The following ABCA13 variants were observed in gnomAD, a reference collection of about 807,000 sequenced individuals.
The protein encoded by ABCA13 is ATP binding cassette subfamily A member 13.
In ABCA13, 476 loss-of-function variants were observed where a neutral mutation model predicts 478.7. The observed-to-expected ratio is 0.99, with a 90% CI of 0.92 to 1.07. The LOEUF (loss-of-function observed/expected upper bound fraction) is 1.07, where lower values mean the gene tolerates loss of function less well. Among genes scored for constraint, ABCA13 ranks in the 50% least tolerant of loss-of-function variants. The pLI, the probability that ABCA13 is intolerant of heterozygous loss-of-function variation, is 0.00. For missense variants in ABCA13, 6,060 were observed against 5,910.6 expected (o/e 1.03, Z -0.83); for synonymous variants, 2,252 against 2,158.9 (o/e 1.04, Z -1.20).
intron 55 of ABCA13, among the ~76,000 whole-genome samples, chr7:48,540,048 A>G (rs190888556): frequency 6.6e-6 from 1 of 152,156 alleles, no homozygotes; most frequent in Non-Finnish European, 1.5e-5. Context: ...GGTATGTGTA[A>G]AGAGAGTTGT....
chr7:48,219,831 C>T (rs1163474584), intron 4 of ABCA13, among the ~76,000 whole-genome samples: 3 of 149,686 alleles, frequency 2.0e-5, no homozygotes, highest in African/African-American at 7.4e-5. Context: ...CTGTTGTCTT[C>T]CTTTCTTGCT....
chr7:48,332,353 A>G (rs1388264704), intron 27 of ABCA13, among the ~76,000 whole-genome samples: 1 of 152,226 alleles, frequency 6.6e-6, no homozygotes, highest in Non-Finnish European at 1.5e-5. Flanking sequence ...CTGGCTCTAG[A>G]TATTACAATA....
chr7:48,596,161 G>A (rs1790259929), intron 58 of ABCA13, among the ~76,000 whole-genome samples: 1 of 152,224 alleles, frequency 6.6e-6, no homozygotes, highest in African/African-American at 2.4e-5. Flanking sequence ...CAAAGCCAAT[G>A]TATTGTGAAG....
chr7:48,478,194 T>A (rs3902911), intron 45 of ABCA13, among the ~76,000 whole-genome samples: 1 of 148,100 alleles, frequency 6.8e-6, no homozygotes, highest in Admixed American at 6.8e-5. Flanking sequence ...ATATAATACA[T>A]AAAATGATAT....
intron 39 of ABCA13, 59 bp downstream of exon 39, chr7:48,403,938 A>C (rs548272237): frequency 1.3e-6 from 2 of 1,540,716 alleles, no homozygotes; most frequent in Non-Finnish European, 1.8e-6. Context: ...CAGGAAATGC[A>C]TTGCTACTGT....
intron 59 of ABCA13, among the ~76,000 whole-genome samples, chr7:48,620,495 A>G (rs1318302980): frequency 6.6e-6 from 1 of 152,124 alleles, no homozygotes; most frequent in Non-Finnish European, 1.5e-5. Context: ...TAAGATGTTT[A>G]GCACCATCCC....
chr7:48,254,662 G>A (rs1285936594), intron 15 of ABCA13, among the ~76,000 whole-genome samples: 1 of 152,060 alleles, frequency 6.6e-6, no homozygotes, highest in Non-Finnish European at 1.5e-5. Flanking sequence ...TGAGAGTGGA[G>A]GCATATCGCT....
At chr7:48,347,618 G>A (rs527456672) in intron 29 of ABCA13, among the ~76,000 whole-genome samples, 1 of 152,336 alleles carries the variant, frequency 6.6e-6, no homozygotes, top group African/African-American at 2.4e-5. Context: ...AGCCCTCTGT[G>A]TTCCCACAGC....
At chr7:48,640,914 C>G (rs1562585382) in intron 59 of ABCA13, among the ~76,000 whole-genome samples, 1 of 152,148 alleles carries the variant, frequency 6.6e-6, no homozygotes, top group Admixed American at 6.5e-5. Flanking sequence ...TATCTCCTAT[C>G]TGTTTCAGGC....
At chr7:48,457,141 A>G (rs1384377843) in intron 43 of ABCA13, among the ~76,000 whole-genome samples, 1 of 152,108 alleles carries the variant, frequency 6.6e-6, no homozygotes, top group African/African-American at 2.4e-5. Flanking sequence ...CTAAACTCTA[A>G]AAGTTTTGAT....
chr7:48,251,629 T>A (rs1340730051), intron 15 of ABCA13, among the ~76,000 whole-genome samples: 1 of 152,120 alleles, frequency 6.6e-6, no homozygotes, highest in Admixed American at 6.6e-5. Context: ...CTAGTCTTAT[T>A]AAGAAACGGA....
At chr7:48,566,121 A>G (rs1254183714) in intron 55 of ABCA13, among the ~76,000 whole-genome samples, 1 of 152,190 alleles carries the variant, frequency 6.6e-6, no homozygotes, top group Non-Finnish European at 1.5e-5. Flanking sequence ...CGGTTTACAG[A>G]CTGCTGATAA....
At chr7:48,251,637 G>A (rs116662377) in intron 15 of ABCA13, among the ~76,000 whole-genome samples, 4,528 of 151,210 alleles carry the variant, frequency 0.03, 222 homozygotes, top group African/African-American at 0.1. Context: ...ATTAAGAAAC[G>A]GAATTTAAAA....
At chr7:48,388,476 G>C (rs1815526805) in intron 36 of ABCA13, among the ~76,000 whole-genome samples, 1 of 152,168 alleles carries the variant, frequency 6.6e-6, no homozygotes. Flanking sequence ...CAGAGTCATG[G>C]CCTGTTCCTG....
chr7:48,262,331 A>G (rs1794304409), intron 15 of ABCA13, among the ~76,000 whole-genome samples: 1 of 151,832 alleles, frequency 6.6e-6, no homozygotes, highest in South Asian at 2.1e-4. Context: ...GTTAGAATTC[A>G]TTCTTGCTCA....
intron 58 of ABCA13, among the ~76,000 whole-genome samples, chr7:48,602,752 C>G (rs984101540): frequency 6.6e-6 from 1 of 151,062 alleles, no homozygotes; most frequent in African/African-American, 2.4e-5. Flanking sequence ...TTTTTTTTTC[C>G]AATTCTGTGA....
At chr7:48,564,632 G>A (rs1438100290) in intron 55 of ABCA13, among the ~76,000 whole-genome samples, 1 of 151,484 alleles carries the variant, frequency 6.6e-6, no homozygotes, top group Non-Finnish European at 1.5e-5. Flanking sequence ...TCAATATCTT[G>A]TAAATAGTAA....
chr7:48,537,788 A>G (rs1389586843), intron 55 of ABCA13, among the ~76,000 whole-genome samples: 3 of 152,104 alleles, frequency 2.0e-5, no homozygotes, highest in African/African-American at 7.2e-5. Context: ...GGAGTGACTC[A>G]GGATGGAGCA....
At chr7:48,379,327 AG>A in intron 35 of ABCA13, among the ~76,000 whole-genome samples, 1 of 152,320 alleles carries the variant, frequency 6.6e-6, no homozygotes, top group South Asian at 2.1e-4. Flanking sequence ...ATCCATAAAG[AG>A]GGTTATAATT....
Sources: allele counts gnomAD v4.1 joint callset (sites outside exome capture counted in the v4.1 genomes callset), GRCh38; gene constraint gnomAD v4.1.1; transcripts MANE v1.5; gene names NCBI Gene and HGNC (gene_info 2026-07-23, HGNC 2026-07-21).